PPP2R5C: variants seen among roughly 807,000 people sequenced by gnomAD.
PPP2R5C encodes the protein serine/threonine-protein phosphatase 2A 56 kDa regulatory subunit gamma isoform.
Under a neutral mutation model 68.9 loss-of-function variants are expected in PPP2R5C, and 7 were observed. The observed-to-expected ratio is 0.10, with a 90% CI of 0.06 to 0.19. The LOEUF is 0.19. Among genes scored for constraint, PPP2R5C ranks in the 10% least tolerant of loss-of-function variants. The pLI is 1.00. For synonymous variants in PPP2R5C, 210 were observed against 222.2 expected (o/e 0.95, Z 0.49); for missense variants, 348 against 641.3 (o/e 0.54, Z 4.94).
In PPP2R5C at chr14:101,781,066, C is replaced by G. The variant is rs568480844; in HGVS notation, c.94-4952C>G. Among the ~76,000 whole-genome samples the G allele has an allele frequency of 3.3e-4, 50 of 152,328 alleles. No individual in the cohort carries two copies. The highest frequency in any genetic ancestry group is 6.5e-4 in the Admixed American group (10 of 15,306). The stretch of plus-strand genomic sequence containing the variant: ...GGGCAGCCGCTCCCCAGCCTTCCTC[C>G]CTAGCCGTCTCCCTCCAGCTACAGG... On this transcript the variant is annotated intron_variant, in intron 2 of 14. Coordinates refer to the PPP2R5C transcript ENST00000328724. The surrounding 1 kb of genome is among the most constrained non-coding windows in gnomAD (Gnocchi z 6.4).
In PPP2R5C at chr14:101,917,515, G is replaced by C. The variant is rs1310708306; in HGVS notation, c.1327-316G>C. 6.6e-6 allele frequency among the ~76,000 whole-genome samples: 1 copy of C among 152,138 alleles called. No homozygotes were observed. Among genetic ancestry groups the C allele is most frequent in the South Asian group, 2.1e-4 (1 of 4,822 alleles). ...ACCACCGAGCCCAGGGTGCGACCTC[G>C]CACTTGGCTGCTCACGTGGAGTCAG... On this transcript the variant is annotated intron_variant, in intron 12 of 13. Coordinates refer to ENST00000334743, the Ensembl canonical transcript of PPP2R5C. This position sits in a 1 kb window ranked among gnomAD's most constrained non-coding sequence, Gnocchi z 4.4.
intron 3 of PPP2R5C, among the ~76,000 whole-genome samples, chr14:101,804,628 A>G (rs922859465): frequency 1.3e-5 from 2 of 152,240 alleles, no homozygotes; most frequent in African/African-American, 4.8e-5. Context: ...AAAGACAAAC[A>G]TCACATGTTC....
chr14:101,867,814 A>G (rs1045252321), intron 2 of PPP2R5C, among the ~76,000 whole-genome samples: 1 of 152,160 alleles, frequency 6.6e-6, no homozygotes, highest in African/African-American at 2.4e-5. Flanking sequence ...TAAAATAAAA[A>G]CAAGCTATCC....
chr14:101,863,707 G>T (rs1388425116), intron 2 of PPP2R5C, among the ~76,000 whole-genome samples: 4 of 152,086 alleles, frequency 2.6e-5, no homozygotes, highest in African/African-American at 9.7e-5. Context: ...AACCAGCCTG[G>T]CCAACATGGT....
chr14:101,869,528 G>A (rs549960940), intron 2 of PPP2R5C, among the ~76,000 whole-genome samples: 15 of 152,290 alleles, frequency 9.8e-5, no homozygotes, highest in South Asian at 2.1e-4. Context: ...TGGCTGCCCC[G>A]TGTGATTCCC....
chr14:101,890,024 G>T, intron 5 of PPP2R5C: 1 of 659,872 alleles, frequency 1.5e-6, no homozygotes, highest in South Asian at 1.5e-5. Flanking sequence ...AAAAAAATTC[G>T]TGCAAGACCA....
chr14:101,852,662 G>T (rs1371224664), intron 1 of PPP2R5C, among the ~76,000 whole-genome samples: 1 of 151,580 alleles, frequency 6.6e-6, no homozygotes, highest in Non-Finnish European at 1.5e-5. Flanking sequence ...AGTAGAGATG[G>T]GGTTTCACCA....
At chr14:101,892,009 T>C (rs1212981521) in intron 6 of PPP2R5C, among the ~76,000 whole-genome samples, 3 of 152,160 alleles carry the variant, frequency 2.0e-5, no homozygotes, top group Admixed American at 2.0e-4. Context: ...GAGGCTGGAG[T>C]GCAGTGGCCC....
intron 1 of PPP2R5C, among the ~76,000 whole-genome samples, chr14:101,822,132 A>G (rs1336358753): frequency 6.9e-6 from 1 of 145,074 alleles, no homozygotes; most frequent in Non-Finnish European, 1.5e-5. Context: ...CAAATCATAC[A>G]GGAATCTGGC....
intron 5 of PPP2R5C, among the ~76,000 whole-genome samples, chr14:101,884,438 C>T (rs934928746): frequency 2.6e-5 from 4 of 152,244 alleles, no homozygotes; most frequent in African/African-American, 9.6e-5. Flanking sequence ...TTTCCTTCTA[C>T]CTGTGCATCA....
At chr14:101,860,813 A>G (rs2042696442) in intron 2 of PPP2R5C, among the ~76,000 whole-genome samples, 1 of 152,336 alleles carries the variant, frequency 6.6e-6, no homozygotes, top group Middle Eastern at 3.4e-3. Context: ...ATTTTTATAC[A>G]TCATAGACTT....
intron 3 of PPP2R5C, 90 bp downstream of exon 3, chr14:101,786,273 G>T: frequency 2.5e-6 from 3 of 1,216,622 alleles, no homozygotes; most frequent in Non-Finnish European, 3.3e-6. Context: ...TTCCTTTGCT[G>T]TGTTTGTATT....
chr14:101,826,047 C>T (rs1385018775), intron 1 of PPP2R5C, among the ~76,000 whole-genome samples: 1 of 152,202 alleles, frequency 6.6e-6, no homozygotes, highest in Non-Finnish European at 1.5e-5. Flanking sequence ...ACTCCGAGAA[C>T]CAAGCCTTTA....
Position 101,786,684 on chromosome 14 carries a change from G to A in PPP2R5C, c.259+501G>A, listed in dbSNP as rs186599384. Among the ~76,000 whole-genome samples the A allele has an allele frequency of 7.2e-5, 11 of 152,146 alleles. No individual in the cohort carries two copies. The East Asian group carries it at 2.1e-3, about 29-fold the overall frequency. On this transcript the variant is annotated intron_variant, in intron 3 of 14. Coordinates refer to the PPP2R5C transcript ENST00000328724. ...CTCAAGCATTTCTTATATGAAATTA[G>A]GAAAAAGTGCTCTTTACTTTGAATT...
intron 11 of PPP2R5C, among the ~76,000 whole-genome samples, chr14:101,911,135 G>A (rs1262131734): frequency 2.0e-5 from 3 of 150,704 alleles, no homozygotes; most frequent in Non-Finnish European, 3.0e-5. Context: ...AAAATCAGCC[G>A]GGTGTGGTGG....
intron 1 of PPP2R5C, among the ~76,000 whole-genome samples, chr14:101,834,908 G>C (rs2040986139): frequency 6.6e-6 from 1 of 152,224 alleles, no homozygotes; most frequent in Non-Finnish European, 1.5e-5. Flanking sequence ...TGTGGCCACA[G>C]AGCCTCAGAA....
At chr14:101,856,410 A>G (rs1391401844) in intron 1 of PPP2R5C, among the ~76,000 whole-genome samples, 1 of 152,230 alleles carries the variant, frequency 6.6e-6, no homozygotes, top group Non-Finnish European at 1.5e-5. Flanking sequence ...GAATGAACAC[A>G]TGTAGATGGA....
intron 2 of PPP2R5C, among the ~76,000 whole-genome samples, chr14:101,874,999 C>T (rs2043668163): frequency 1.3e-5 from 2 of 152,218 alleles, no homozygotes; most frequent in African/African-American, 4.8e-5. Context: ...CTCAGCCTCC[C>T]AAAGTGCTGG....
At chr14:101,883,611 T>TC in intron 5 of PPP2R5C, 49 bp downstream of exon 7, 5 of 1,595,318 alleles carry the variant, frequency 3.1e-6, no homozygotes, top group South Asian at 1.1e-5. Flanking sequence ...GATGCTCATT[T>TC]CCCCCCTCGA....
Sources: gnomAD v4.1 joint callset for allele counts (sites outside exome capture counted in the v4.1 genomes callset) on GRCh38, gnomAD v4.1.1 for gene constraint, Gnocchi (gnomAD v3.1) non-coding constraint, MANE v1.5 for transcripts, NCBI Gene and HGNC (gene_info 2026-07-23, HGNC 2026-07-21) for gene names.